The following KIF21A variants were observed in gnomAD, a reference collection of about 807,000 sequenced individuals.
The protein encoded by KIF21A is kinesin family member 21A.
Under a neutral mutation model 202.9 loss-of-function variants are expected in KIF21A, and 114 were observed. The ratio of observed to expected loss-of-function variants is 0.56; its 90% CI spans 0.48 to 0.66. KIF21A has a LOEUF of 0.66. KIF21A is among the 30% of genes least tolerant of loss of function. The pLI is 0.00. For missense variants in KIF21A, 1,677 were observed against 1,994.9 expected, an observed-to-expected ratio of 0.84 and a Z score of 3.04; for synonymous variants, 667 against 670.8, an observed-to-expected ratio of 0.99 and a Z score of 0.09.
chr12:39,337,497 T>C, intron 16 of KIF21A: 1 of 343,054 alleles, frequency 2.9e-6, no homozygotes, highest in Non-Finnish European at 5.4e-6. Context: ...GTGACCTTGA[T>C]CGAATTACTT....
At chr12:39,436,733 T>G (rs1345324876) in intron 1 of KIF21A, among the ~76,000 whole-genome samples, 2 of 151,800 alleles carry the variant, frequency 1.3e-5, no homozygotes, top group African/African-American at 2.4e-5. Context: ...AAACTGTCCC[T>G]TTGGCTTGGC....
At chr12:39,348,015 G>C (rs932425938) in intron 11 of KIF21A, among the ~76,000 whole-genome samples, 1 of 152,008 alleles carries the variant, frequency 6.6e-6, no homozygotes, top group African/African-American at 2.4e-5. Flanking sequence ...GAAGAACCCA[G>C]ATTTTCTATT....
At chr12:39,389,129 T>C (rs916115119) in intron 1 of KIF21A, among the ~76,000 whole-genome samples, 9 of 151,970 alleles carry the variant, frequency 5.9e-5, no homozygotes, top group Admixed American at 3.3e-4. Context: ...CAGTGTAATA[T>C]TTACCAATAC....
intron 1 of KIF21A, among the ~76,000 whole-genome samples, chr12:39,400,655 G>C (rs1258542014): frequency 2.6e-5 from 4 of 152,166 alleles, no homozygotes; most frequent in African/African-American, 4.8e-5. Flanking sequence ...GCCATAAAAA[G>C]AAAGGGAAGG....
At chr12:39,330,681 T>C (rs1178662237) in intron 23 of KIF21A, 65 bp downstream of exon 23, 2 of 1,383,764 alleles carry the variant, frequency 1.4e-6, no homozygotes, top group African/African-American at 1.4e-5. Flanking sequence ...AGGGATATAC[T>C]ATACCATGTT....
In KIF21A at chr12:39,331,010, A is replaced by G; in HGVS notation, c.3154-99T>C. ...AAATGAATATGATATATGGGTTTTG[A>G]CATCAGATAGACCTCGAGTCATCCC... On this transcript the variant is annotated intron_variant, in intron 22 of 37. Transcript: ENST00000361418. 2.4e-6 allele frequency: 3 copies of G among 1,263,396 alleles called. No individual in the cohort carries two copies. The South Asian group carries it at 3.7e-5, about 15-fold the overall frequency. The allele number at this position is 1,263,396 out of a possible 1,614,324, so 78.3% of individuals were successfully genotyped here. A position where few individuals can be genotyped will look rare whatever the true frequency, so the allele number is the denominator to read the frequency against.
In KIF21A at chr12:39,315,827, C is replaced by G. The variant is rs535901945; in HGVS notation, c.3947+105G>C. 15 of 811,726 alleles carry G rather than the reference C, an allele frequency of 1.8e-5. No homozygotes were observed. The Admixed American group carries it at 2.4e-4, about 13-fold the overall frequency. The allele number at this position is 811,726 out of a possible 1,614,324, so 50.3% of individuals were successfully genotyped here. ...ATTAGTGCATTTATATGATTTACAA[C>G]AAGTGATGCATGCAACAAAAATGAG... On this transcript the variant is annotated intron_variant, in intron 30 of 37. Transcript: ENST00000361418.
chr12:39,375,117 T>C (rs1369731389), intron 1 of KIF21A, among the ~76,000 whole-genome samples: 2 of 152,166 alleles, frequency 1.3e-5, no homozygotes, highest in East Asian at 3.9e-4. Context: ...AAGTGGGCCC[T>C]GCCTTCTGTT....
rs1372629291 is a variant in KIF21A at position 39,342,044 on chromosome 12, T to G, written c.1793A>C (p.Glu598Ala). 1 of 1,606,200 alleles carries G rather than the reference T, an allele frequency of 6.2e-7. No individual in the cohort carries two copies. Among genetic ancestry groups the G allele is most frequent in the Non-Finnish European group, 8.5e-7 (1 of 1,173,338 alleles). Residue 598 changes from glutamate (E) to alanine (A), a missense_variant, in exon 13 of 38, where the codon GAA (glutamate) becomes GCA (alanine). Coordinates refer to ENST00000361418, the MANE Select transcript of KIF21A (RefSeq NM_001173464.2). ...TTCTTTCATACTTACCACTTCTAAT[T>G]CATTGTTTTCTCTTTCCGAAACACC... ...EKGVSERENN[E>A]LEVEESQEVS...
intron 33 of KIF21A, among the ~76,000 whole-genome samples, chr12:39,309,056 G>GA (rs1028122223): frequency 6.6e-6 from 1 of 152,012 alleles, no homozygotes; most frequent in Non-Finnish European, 1.5e-5. Context: ...AATGAGCACA[G>GA]AAAAAACAAA....
intron 17 of KIF21A, among the ~76,000 whole-genome samples, chr12:39,336,805 C>T (rs1201026710): frequency 6.6e-6 from 1 of 152,134 alleles, no homozygotes; most frequent in African/African-American, 2.4e-5. Flanking sequence ...CAACTAGTTC[C>T]TTGGTCATCC....
chr12:39,328,345 C>T (rs1384737319), intron 24 of KIF21A, among the ~76,000 whole-genome samples: 2 of 152,070 alleles, frequency 1.3e-5, no homozygotes, highest in Admixed American at 1.3e-4. Flanking sequence ...AATATTGCTG[C>T]GTTTTTTGTT....
At chr12:39,334,425 A>G (rs1446798530) in intron 17 of KIF21A, among the ~76,000 whole-genome samples, 1 of 152,154 alleles carries the variant, frequency 6.6e-6, no homozygotes, top group African/African-American at 2.4e-5. Context: ...CATTCATTTT[A>G]TGTTTATGTA....
chr12:39,409,967 G>T (rs1481083496), intron 1 of KIF21A, among the ~76,000 whole-genome samples: 4 of 151,986 alleles, frequency 2.6e-5, no homozygotes, highest in Non-Finnish European at 4.4e-5. Context: ...AAGCAGCTGG[G>T]ATTACAGGCA....
At chr12:39,367,249 C>G (rs1245496009) in intron 4 of KIF21A, 85 bp from the exon 5 acceptor site, 1 of 1,415,324 alleles carries the variant, frequency 7.1e-7, no homozygotes, top group Non-Finnish European at 1.0e-6. Context: ...TGGCTAAAAC[C>G]CACCATGTTA....
chr12:39,421,342 A>C (rs1954239251), intron 1 of KIF21A, among the ~76,000 whole-genome samples: 1 of 152,236 alleles, frequency 6.6e-6, no homozygotes, highest in Admixed American at 6.5e-5. Context: ...CTGTGTCGTT[A>C]AGAACATATC....
In KIF21A at chr12:39,294,580, T is replaced by C. The variant is rs1033792626; in HGVS notation, c.4932-63A>G. The C allele has an allele frequency of 3.4e-6, 4 of 1,163,844 alleles. No homozygotes were observed. The Admixed American group carries it at 6.9e-5, about 20-fold the overall frequency. 72.1% of individuals were successfully genotyped at this position (1,163,844 alleles called of 1,614,324 possible). A position where few individuals can be genotyped will look rare whatever the true frequency, so the allele number is the denominator to read the frequency against. ...GGGCAGAAAGATAAAGAAATAGCTC[T>C]TATAATTACTTATCATGGAAATATT... is the stretch of plus-strand genomic sequence containing the variant. On this transcript the variant is annotated intron_variant, in intron 37 of 37. Coordinates refer to ENST00000361418, the MANE Select transcript of KIF21A (RefSeq NM_001173464.2).
At chr12:39,359,896 T>G (rs1306806951) in intron 7 of KIF21A, among the ~76,000 whole-genome samples, 1 of 152,202 alleles carries the variant, frequency 6.6e-6, no homozygotes, top group African/African-American at 2.4e-5. Context: ...ATCAATGACC[T>G]CCTCTCATTG....
intron 22 of KIF21A, 103 bp from the exon 23 acceptor site, chr12:39,331,014 C>T: frequency 8.4e-7 from 1 of 1,189,504 alleles, no homozygotes; most frequent in South Asian, 1.2e-5. Flanking sequence ...GTTTTGACAT[C>T]AGATAGACCT....
Sources: allele counts gnomAD v4.1 joint callset (sites outside exome capture counted in the v4.1 genomes callset), GRCh38; gene constraint gnomAD v4.1.1; transcripts MANE v1.5; gene names NCBI Gene and HGNC (gene_info 2026-07-23, HGNC 2026-07-21).